DPYD: variants seen among roughly 807,000 people sequenced by gnomAD.
The protein encoded by DPYD is dihydropyrimidine dehydrogenase.
Under a neutral mutation model 116.2 loss-of-function variants are expected in DPYD, and 109 were observed. The observed-to-expected ratio is 0.94, with a 90% CI of 0.80 to 1.10. The LOEUF (loss-of-function observed/expected upper bound fraction) is 1.10, where lower values mean the gene tolerates loss of function less well. DPYD is among the 50% of genes least tolerant of loss of function. The pLI, the probability that DPYD is intolerant of heterozygous loss-of-function variation, is 0.00. For synonymous variants in DPYD, 440 were observed against 432.0 expected (o/e 1.02, Z -0.23); for missense variants, 1,302 against 1,254.5 (o/e 1.04, Z -0.57).
chr1:97,581,199 C>T (rs551334250), intron 10 of DPYD, among the ~76,000 whole-genome samples: 29 of 151,608 alleles, frequency 1.9e-4, no homozygotes, highest in Non-Finnish European at 3.8e-4. Flanking sequence ...TGGTGGCGGG[C>T]GCCTGTAGTC....
At chr1:97,270,897 T>C (rs10158174) in intron 18 of DPYD, among the ~76,000 whole-genome samples, 2,242 of 152,326 alleles carry the variant, frequency 0.015, 18 homozygotes, top group Non-Finnish European at 0.02. Context: ...TACTACTACA[T>C]ACCAGGTACT....
chr1:97,729,449 G>T (rs1205611391), intron 4 of DPYD, among the ~76,000 whole-genome samples: 1 of 151,942 alleles, frequency 6.6e-6, no homozygotes, highest in Non-Finnish European at 1.5e-5. Context: ...GTGAACTTAG[G>T]TTCCCACTCT....
intron 16 of DPYD, among the ~76,000 whole-genome samples, chr1:97,315,267 C>T (rs1435768956): frequency 6.6e-6 from 1 of 151,818 alleles, no homozygotes. Flanking sequence ...GTGTGCCTCG[C>T]TTTTAAACTG....
chr1:97,400,194 C>G (rs1430357756), intron 14 of DPYD, among the ~76,000 whole-genome samples: 2 of 152,146 alleles, frequency 1.3e-5, no homozygotes, highest in Non-Finnish European at 2.9e-5. Context: ...TTTTCTGCAT[C>G]TATTGAGATA....
At chr1:97,692,424 T>C (rs1661056960) in intron 6 of DPYD, among the ~76,000 whole-genome samples, 1 of 152,048 alleles carries the variant, frequency 6.6e-6, no homozygotes, top group African/African-American at 2.4e-5. Context: ...TTGCCTGCAT[T>C]TAAAAAAAAA....
intron 20 of DPYD, among the ~76,000 whole-genome samples, chr1:97,121,909 A>T (rs2101647004): frequency 6.6e-6 from 1 of 152,302 alleles, no homozygotes; most frequent in East Asian, 1.9e-4. Context: ...GACAGACAAC[A>T]TCCTGGCCTG....
intron 8 of DPYD, among the ~76,000 whole-genome samples, chr1:97,639,417 T>C (rs1657753396): frequency 6.6e-6 from 1 of 152,158 alleles, no homozygotes; most frequent in Non-Finnish European, 1.5e-5. Flanking sequence ...ATTATTGTAC[T>C]CTATTCACTA....
At chr1:97,489,525 G>A (rs1007897715) in intron 13 of DPYD, among the ~76,000 whole-genome samples, 1 of 152,122 alleles carries the variant, frequency 6.6e-6, no homozygotes, top group African/African-American at 2.4e-5. Flanking sequence ...AATATTTGTG[G>A]TAGACAATAC....
chr1:97,558,929 T>C (rs759873011), intron 11 of DPYD, among the ~76,000 whole-genome samples: 1 of 152,152 alleles, frequency 6.6e-6, no homozygotes, highest in African/African-American at 2.4e-5. Context: ...GAAGTAAATA[T>C]ATGGGAATTG....
intron 8 of DPYD, among the ~76,000 whole-genome samples, chr1:97,616,895 CT>C (rs567860314): frequency 6.6e-6 from 1 of 151,138 alleles, no homozygotes; most frequent in Non-Finnish European, 1.5e-5. Context: ...AGTTTTATTT[CT>C]TTTTTTTTGA....
chr1:97,255,130 T>C (rs1009525665), intron 18 of DPYD, among the ~76,000 whole-genome samples: 2 of 152,158 alleles, frequency 1.3e-5, no homozygotes, highest in African/African-American at 2.4e-5. Context: ...TCTGCAAAGA[T>C]AATATATGTT....
At chr1:97,839,446 T>C (rs1480215997) in intron 2 of DPYD, among the ~76,000 whole-genome samples, 2 of 152,176 alleles carry the variant, frequency 1.3e-5, no homozygotes, top group African/African-American at 4.8e-5. Context: ...GTGTGTGTAC[T>C]TCTTGTTTCT....
chr1:97,679,657 G>A (rs12057205), intron 7 of DPYD, among the ~76,000 whole-genome samples: 1,851 of 152,194 alleles, frequency 0.012, 44 homozygotes, highest in African/African-American at 0.042. Flanking sequence ...AGAGAAGTGG[G>A]ATTTCAATAG....
intron 20 of DPYD, among the ~76,000 whole-genome samples, chr1:97,112,314 C>T (rs941519044): frequency 1.3e-5 from 2 of 152,138 alleles, no homozygotes; most frequent in Non-Finnish European, 2.9e-5. Context: ...GCTTATTTCA[C>T]ATTTAGACTG....
At chr1:97,421,616 T>C (rs1674588788) in intron 14 of DPYD, among the ~76,000 whole-genome samples, 1 of 152,224 alleles carries the variant, frequency 6.6e-6, no homozygotes, top group African/African-American at 2.4e-5. Context: ...ATGTATTGTA[T>C]GTGCTTTAGT....
intron 20 of DPYD, among the ~76,000 whole-genome samples, chr1:97,156,172 A>G (rs1655437144): frequency 6.6e-6 from 1 of 152,196 alleles, no homozygotes; most frequent in South Asian, 2.1e-4. Context: ...TTTGAAATGA[A>G]TAAATTTTTT....
intron 18 of DPYD, among the ~76,000 whole-genome samples, chr1:97,261,691 A>T (rs1213573075): frequency 5.3e-5 from 8 of 151,920 alleles, no homozygotes; most frequent in Non-Finnish European, 2.9e-5. Context: ...GTGTTTTTAG[A>T]ATTGAGAACT....
intron 19 of DPYD, among the ~76,000 whole-genome samples, chr1:97,205,915 C>G (rs1215583721): frequency 6.6e-6 from 1 of 152,044 alleles, no homozygotes. Flanking sequence ...CAATGTGGTT[C>G]ACTAGAATTG....
At chr1:97,536,739 T>C (rs887021445) in intron 12 of DPYD, among the ~76,000 whole-genome samples, 2 of 152,188 alleles carry the variant, frequency 1.3e-5, no homozygotes, top group African/African-American at 4.8e-5. Flanking sequence ...CACCCAGATT[T>C]CACAGGGGCT....
Sources: allele counts gnomAD v4.1 joint callset (sites outside exome capture counted in the v4.1 genomes callset), GRCh38; gene constraint gnomAD v4.1.1; transcripts MANE v1.5; gene names NCBI Gene and HGNC (gene_info 2026-07-23, HGNC 2026-07-21).